CDKL5: variants seen among roughly 807,000 people sequenced by gnomAD.
CDKL5 encodes cyclin dependent kinase like 5, also known as cyclin-dependent kinase-like 5.
Under a neutral mutation model 61.7 loss-of-function variants are expected in CDKL5, and 8 were observed. That is an observed-to-expected ratio of 0.13 (90% CI 0.08 to 0.23). CDKL5 has a LOEUF of 0.23. CDKL5 is among the 10% of genes least tolerant of loss of function. The pLI, the probability that CDKL5 is intolerant of heterozygous loss-of-function variation, is 1.00. For synonymous variants in CDKL5, 275 were observed against 272.3 expected (o/e 1.01, Z -0.10); for missense variants, 440 against 734.5 (o/e 0.60, Z 4.63).
chrX:18,560,956 A>G (rs1386681055), intron 3 of CDKL5, among the ~76,000 whole-genome samples: 1 of 112,170 alleles, frequency 8.9e-6, no homozygotes, highest in Non-Finnish European at 1.9e-5. Context: ...AGAGACTGTC[A>G]GGTCATTGTT....
intron 1 of CDKL5, among the ~76,000 whole-genome samples, chrX:18,435,621 C>A (rs751085214): frequency 2.7e-5 from 3 of 111,226 alleles, no homozygotes; most frequent in Non-Finnish European, 5.6e-5. Context: ...GGCTGGAGTG[C>A]AGTGGTGCGA....
intron 3 of CDKL5, among the ~76,000 whole-genome samples, chrX:18,547,491 G>T (rs1792709748): frequency 8.9e-6 from 1 of 112,423 alleles, no homozygotes; most frequent in Admixed American, 9.4e-5. Flanking sequence ...GAGTGCTTCA[G>T]TGATGTTCTT....
At position 18,634,459 on chromosome X, in the gene CDKL5, A is replaced by G. The variant is rs1927325831; in HGVS notation, c.*5702A>G. The G allele has an allele frequency of 1.3e-6, 1 of 752,667 alleles. No homozygotes were observed. 62.0% of individuals were successfully genotyped at this position (752,667 alleles called of 1,213,427 possible). On this transcript the variant is annotated 3_prime_UTR_variant, in exon 18 of 18. Transcript: ENST00000623535. ...CAGAATTGTCAAAAGCTCCGGTTCA[A>G]ACTCTGTAGAGTTTCATGGAAAAAC...
intron 1 of CDKL5, among the ~76,000 whole-genome samples, chrX:18,440,969 T>C (rs137930008): frequency 0.023 from 2,512 of 111,292 alleles, 56 homozygotes; most frequent in African/African-American, 0.066. Flanking sequence ...CATCTTAATA[T>C]GAATTTTCGC....
chrX:18,577,905 A>G (rs1241711472), intron 5 of CDKL5, among the ~76,000 whole-genome samples: 1 of 112,456 alleles, frequency 8.9e-6, no homozygotes, highest in East Asian at 2.8e-4. Context: ...TCAAATGGAG[A>G]ATCAAAAAAT....
intron 15 of CDKL5, among the ~76,000 whole-genome samples, chrX:18,618,228 C>CT (rs200702027): frequency 1.8e-5 from 2 of 112,182 alleles, no homozygotes; most frequent in Non-Finnish European, 3.8e-5. Flanking sequence ...TTTTGTGAGA[C>CT]TTTCATTCTG....
chrX:18,546,082 A>G (rs1924181867), intron 3 of CDKL5, among the ~76,000 whole-genome samples: 1 of 110,867 alleles, frequency 9.0e-6, no homozygotes, highest in South Asian at 3.8e-4. Flanking sequence ...AAGGCTTATT[A>G]TGGTGGCACA....
At chrX:18,439,327 A>G (rs1266193779) in intron 1 of CDKL5, among the ~76,000 whole-genome samples, 1 of 110,057 alleles carries the variant, frequency 9.1e-6, no homozygotes, top group East Asian at 2.9e-4. Flanking sequence ...CCAGAGTGAC[A>G]TATCTGAGCT....
At chrX:18,540,233 G>A (rs949251684) in intron 3 of CDKL5, among the ~76,000 whole-genome samples, 1 of 111,264 alleles carries the variant, frequency 9.0e-6, no homozygotes, top group African/African-American at 3.3e-5. Flanking sequence ...GTCACCCAGT[G>A]GTGCAATCAC....
chrX:18,427,069 G>A (rs760551683), intron 1 of CDKL5: 1 of 111,741 alleles, frequency 8.9e-6, no homozygotes, highest in East Asian at 2.8e-4. Flanking sequence ...AATCCAATTA[G>A]GGTCCATTAA....
At chrX:18,609,987 T>G (rs554040382) in intron 14 of CDKL5, among the ~76,000 whole-genome samples, 2 of 112,022 alleles carry the variant, frequency 1.8e-5, no homozygotes, top group African/African-American at 6.5e-5. Flanking sequence ...AGATGGACAC[T>G]AAACATAATA....
intron 1 of CDKL5, among the ~76,000 whole-genome samples, chrX:18,471,795 A>G (rs1194407138): frequency 1.8e-5 from 2 of 111,497 alleles, no homozygotes; most frequent in Admixed American, 9.6e-5. Context: ...GCTGGAGTGC[A>G]GTGGCATGAC....
chrX:18,560,405 C>A (rs1924760807), intron 3 of CDKL5, among the ~76,000 whole-genome samples: 1 of 112,129 alleles, frequency 8.9e-6, no homozygotes, highest in South Asian at 3.7e-4. Context: ...ATGACCTCTA[C>A]AGAGAGTGAA....
At chrX:18,427,915 A>G (rs1357233885) in intron 1 of CDKL5, among the ~76,000 whole-genome samples, 1 of 111,416 alleles carries the variant, frequency 9.0e-6, no homozygotes, top group Non-Finnish European at 1.9e-5. Flanking sequence ...GAATTATTTA[A>G]ATCAGAGTGT....
chrX:18,535,227 G>T, intron 3 of CDKL5: 2 of 122,477 alleles, frequency 1.6e-5, no homozygotes, highest in South Asian at 2.8e-4. Flanking sequence ...GCCTTTCATT[G>T]AACACTCAAC....
At chrX:18,645,711 A>G (rs181778845) in intron 19 of CDKL5, among the ~76,000 whole-genome samples, 1 of 111,156 alleles carries the variant, frequency 9.0e-6, no homozygotes, top group Non-Finnish European at 1.9e-5. Flanking sequence ...TTTTCTTAAA[A>G]CACAAATGTG....
rs1436133701 is a variant in CDKL5 at position 18,547,863 on chromosome X, A to C, written c.100-16614A>C. Among the ~76,000 whole-genome samples the C allele has an allele frequency of 2.7e-5, 3 of 112,329 alleles. No homozygotes were observed. The Admixed American group carries it at 2.8e-4, about 11-fold the overall frequency. The stretch of plus-strand genomic sequence containing the variant: ...ATATCTTAAGGAAATTGAACACTTG[A>C]ACAAAAGGATTTTTAGCAAAGCAAT... On this transcript the variant is annotated intron_variant, in intron 3 of 17. Transcript: ENST00000623535.
At chrX:18,481,560 AC>A (rs1277333174) in intron 1 of CDKL5, among the ~76,000 whole-genome samples, 1 of 90,098 alleles carries the variant, frequency 1.1e-5, no homozygotes, top group Non-Finnish European at 2.2e-5. Context: ...AAGGGGTTTT[AC>A]CATGTTGCCC....
chrX:18,499,599 G>A (rs1412303339), intron 1 of CDKL5, among the ~76,000 whole-genome samples: 2 of 110,775 alleles, frequency 1.8e-5, no homozygotes, highest in African/African-American at 6.6e-5. Flanking sequence ...TCCTGACCTC[G>A]TGATCCACCC....
Sources: allele counts gnomAD v4.1 joint callset (sites outside exome capture counted in the v4.1 genomes callset), GRCh38; gene constraint gnomAD v4.1.1; transcripts MANE v1.5; gene names NCBI Gene and HGNC (gene_info 2026-07-23, HGNC 2026-07-21).